DLG2: variants seen among roughly 807,000 people sequenced by gnomAD.
DLG2 encodes disks large homolog 2.
In DLG2, 45 loss-of-function variants were observed where a neutral mutation model predicts 132.5. The ratio of observed to expected loss-of-function variants is 0.34; its 90% confidence interval spans 0.27 to 0.44. The LOEUF (loss-of-function observed/expected upper bound fraction) is 0.44, where lower values mean the gene tolerates loss of function less well. Among genes scored for constraint, DLG2 ranks in the 20% least tolerant of loss-of-function variants. The pLI, the probability that DLG2 is intolerant of heterozygous loss-of-function variation, is 1.00. For synonymous variants in DLG2, 424 were observed against 419.6 expected, an observed-to-expected ratio of 1.01 and a Z score of -0.13; for missense variants, 1,045 against 1,196.9, an observed-to-expected ratio of 0.87 and a Z score of 1.87.
intron 11 of DLG2, among the ~76,000 whole-genome samples, chr11:84,044,582 G>T (rs374018600): frequency 9.5e-4 from 144 of 151,768 alleles, no homozygotes; most frequent in African/African-American, 3.4e-3. Context: ...CATTTTTCTT[G>T]TAAGACCCCA....
intron 6 of DLG2, among the ~76,000 whole-genome samples, chr11:85,008,858 T>C (rs1173667391): frequency 6.6e-6 from 1 of 151,948 alleles, no homozygotes; most frequent in Admixed American, 6.6e-5. Context: ...TATAATGAAA[T>C]ATAAAAAGAA....
At chr11:85,495,416 G>A (rs1597916108) in intron 3 of DLG2, among the ~76,000 whole-genome samples, 1 of 151,930 alleles carries the variant, frequency 6.6e-6, no homozygotes, top group Non-Finnish European at 1.5e-5. Context: ...GACTCTACAA[G>A]GAACTTAAAC....
Position 83,901,023 on chromosome 11 carries a change from A to G in DLG2, c.1497-26535T>C, listed in dbSNP as rs1425359547. On this transcript the variant is annotated intron_variant, in intron 15 of 27. Transcript: ENST00000376104. ...GTGAGACATGGAGTCAAAGGAGATC[A>G]TTTTGGAGCTCTACAATTTGACTGC... Among the ~76,000 whole-genome samples, 3 of 152,192 alleles carry G rather than the reference A, an allele frequency of 2.0e-5. No homozygotes were observed. The East Asian group carries it at 5.8e-4, about 29-fold the overall frequency.
chr11:84,294,302 TA>T (rs1378916185), intron 7 of DLG2, among the ~76,000 whole-genome samples: 3 of 152,028 alleles, frequency 2.0e-5, no homozygotes, highest in African/African-American at 7.2e-5. Context: ...GCTAGCTTTT[TA>T]AAGAACACCT....
chr11:83,928,155 G>C (rs1353354149), intron 15 of DLG2, among the ~76,000 whole-genome samples: 1 of 151,920 alleles, frequency 6.6e-6, no homozygotes, highest in Non-Finnish European at 1.5e-5. Context: ...GAAGGAGAAA[G>C]AAGGGGACCA....
At chr11:84,181,041 C>T (rs1346339283) in intron 8 of DLG2, among the ~76,000 whole-genome samples, 5 of 151,842 alleles carry the variant, frequency 3.3e-5, no homozygotes, top group Non-Finnish European at 4.4e-5. Flanking sequence ...TTTTCTTAAT[C>T]TAACAGATAA....
At chr11:84,283,660 C>G (rs2097877719) in intron 7 of DLG2, among the ~76,000 whole-genome samples, 1 of 152,126 alleles carries the variant, frequency 6.6e-6, no homozygotes, top group African/African-American at 2.4e-5. Flanking sequence ...TTTTCTTCCT[C>G]CCTGAATCCT....
chr11:85,322,762 C>A (rs1189324458), intron 3 of DLG2, among the ~76,000 whole-genome samples: 1 of 152,128 alleles, frequency 6.6e-6, no homozygotes, highest in Non-Finnish European at 1.5e-5. Flanking sequence ...TCCCTCTCTG[C>A]CACTTCCCCC....
intron 7 of DLG2, among the ~76,000 whole-genome samples, chr11:84,290,891 G>C (rs908276014): frequency 1.3e-5 from 2 of 152,056 alleles, no homozygotes; most frequent in South Asian, 4.1e-4. Context: ...GTTGCTATGA[G>C]TAAGTTGCTT....
intron 3 of DLG2, among the ~76,000 whole-genome samples, chr11:85,534,066 C>A (rs1037037338): frequency 3.9e-5 from 6 of 152,108 alleles, no homozygotes; most frequent in African/African-American, 1.2e-4. Flanking sequence ...CAGCTCACTG[C>A]AGTCCCCACC....
chr11:83,537,287 G>T (rs1404949105), intron 20 of DLG2, among the ~76,000 whole-genome samples: 2 of 152,112 alleles, frequency 1.3e-5, no homozygotes, highest in African/African-American at 2.4e-5. Context: ...ACCCATAATT[G>T]GGTCAGGCTT....
chr11:84,315,647 A>G (rs753242632), intron 7 of DLG2, among the ~76,000 whole-genome samples: 2 of 152,204 alleles, frequency 1.3e-5, no homozygotes, highest in Non-Finnish European at 2.9e-5. Flanking sequence ...AACCAGTTTA[A>G]TAATAAAATG....
intron 27 of DLG2, among the ~76,000 whole-genome samples, chr11:83,460,323 A>G (rs1269681036): frequency 6.6e-5 from 10 of 152,158 alleles, no homozygotes; most frequent in Admixed American, 6.5e-4. Flanking sequence ...TACAGTCTGT[A>G]TATTTACTTA....
intron 24 of DLG2, among the ~76,000 whole-genome samples, chr11:83,469,948 A>G (rs1437330113): frequency 6.6e-6 from 1 of 152,176 alleles, no homozygotes; most frequent in African/African-American, 2.4e-5. Flanking sequence ...AGGACTAAAA[A>G]TCAGCAACTC....
chr11:83,830,685 G>A (rs1482049285), intron 17 of DLG2, among the ~76,000 whole-genome samples: 1 of 152,214 alleles, frequency 6.6e-6, no homozygotes, highest in Non-Finnish European at 1.5e-5. Context: ...AAAAGAAAGT[G>A]TGCTGAGAGG....
At chr11:85,267,429 A>G (rs1340764162) in intron 4 of DLG2, among the ~76,000 whole-genome samples, 3 of 152,200 alleles carry the variant, frequency 2.0e-5, no homozygotes, top group Non-Finnish European at 4.4e-5. Context: ...ACATGGGTGT[A>G]CGCCTGTCTT....
intron 7 of DLG2, among the ~76,000 whole-genome samples, chr11:84,505,840 G>C (rs1471656910): frequency 2.6e-5 from 4 of 152,078 alleles, no homozygotes; most frequent in Admixed American, 2.6e-4. Flanking sequence ...AAAAATGTAA[G>C]ATGTATTTTA....
chr11:85,116,451 T>C (rs1330241216), intron 5 of DLG2, among the ~76,000 whole-genome samples: 1 of 151,996 alleles, frequency 6.6e-6, no homozygotes, highest in Admixed American at 6.6e-5. Context: ...ACATCATGTG[T>C]TCATTATGCA....
Position 84,148,408 on chromosome 11 carries a change from T to C in DLG2, c.624+15053A>G, listed in dbSNP as rs367652142. 8.5e-5 allele frequency among the ~76,000 whole-genome samples: 13 copies of C among 152,242 alleles called. 1 individual carries two copies. The highest frequency in any genetic ancestry group is 3.1e-4 in the African/African-American group (13 of 41,548). ...TCCCCTCTGATGTTCCCCAGTTATC[T>C]ATTGTTCCCATGTTTATGTCCATGT... On this transcript the variant is annotated intron_variant, in intron 9 of 27. Coordinates refer to ENST00000376104, the MANE Select transcript of DLG2 (RefSeq NM_001142699.3).
Sources: allele counts gnomAD v4.1 joint callset (sites outside exome capture counted in the v4.1 genomes callset), GRCh38; gene constraint gnomAD v4.1.1; transcripts MANE v1.5; gene names NCBI Gene and HGNC (gene_info 2026-07-23, HGNC 2026-07-21).